Variants in DHRS7 observed in about 807,000 individuals in gnomAD.
DHRS7 encodes dehydrogenase/reductase 7, also known as dehydrogenase/reductase SDR family member 7.
A neutral mutation model predicts 38.9 loss-of-function variants in DHRS7; 34 were observed. The ratio of observed to expected loss-of-function variants is 0.87; its 90% CI spans 0.66 to 1.16. The LOEUF is 1.16. Ranked by LOEUF, DHRS7 falls within the 50% of genes most tolerant of loss-of-function variation. DHRS7 has a pLI of 0.00. For missense variants in DHRS7, 421 were observed against 407.0 expected, an observed-to-expected ratio of 1.03 and a Z score of -0.30; for synonymous variants, 158 against 153.1, an observed-to-expected ratio of 1.03 and a Z score of -0.24.
upstream of DHRS7, chr14:60,168,647 GA>G (rs1280428703): frequency 6.6e-7 from 1 of 1,515,534 alleles, no homozygotes; most frequent in African/African-American, 1.4e-5. Context: ...TTCTAAAACT[GA>G]TCAATGCTTT....
upstream of DHRS7, chr14:60,165,630 T>G: frequency 1.8e-6 from 2 of 1,115,220 alleles, no homozygotes; most frequent in Non-Finnish European, 2.2e-6. This position sits in a 1 kb window ranked among gnomAD's most constrained non-coding sequence, Gnocchi z 4.6. Flanking sequence ...TAAATAAAAT[T>G]CCAGTATTTT....
intron 5 of DHRS7, 124 bp downstream of exon 5, chr14:60,149,941 G>T: frequency 2.1e-6 from 2 of 954,208 alleles, no homozygotes; most frequent in Non-Finnish European, 1.5e-6. Flanking sequence ...CAGGAGTTTT[G>T]TGAATAATTC....
chr14:60,168,645 C>T (rs1343918886), upstream of DHRS7: 5 of 1,508,568 alleles, frequency 3.3e-6, no homozygotes, highest in Middle Eastern at 5.2e-4. Flanking sequence ...AATTCTAAAA[C>T]TGATCAATGC....
In DHRS7 at chr14:60,165,039, G is replaced by A; in HGVS notation, c.133+138C>T. On this transcript the variant is annotated intron_variant, in intron 1 of 6. Coordinates refer to ENST00000557185, the MANE Select transcript of DHRS7 (RefSeq NM_016029.4). This position sits in a 1 kb window ranked among gnomAD's most constrained non-coding sequence, Gnocchi z 4.6. Reference sequence around the variant, plus strand: ...TCCCCAACCCGCAGCCCCTGCGTAAGGGGCAGCCGGGCCTTCGGGAAGCTC... The same window carrying A: ...TCCCCAACCCGCAGCCCCTGCGTAAAGGGCAGCCGGGCCTTCGGGAAGCTC... The A allele has an allele frequency of 8.9e-7, 1 of 1,123,068 alleles. No individual in the cohort carries two copies. Among genetic ancestry groups the A allele is most frequent in the East Asian group, 2.6e-5 (1 of 38,550 alleles). The allele number at this position is 1,123,068 out of a possible 1,614,324, so 69.6% of individuals were successfully genotyped here.
At chr14:60,159,334 T>G (rs531890708) in intron 1 of DHRS7, 1 of 404,276 alleles carries the variant, frequency 2.5e-6, no homozygotes, top group Non-Finnish European at 4.6e-6. Context: ...AAATACAGAA[T>G]TGAAGCCCTT....
chr14:60,163,868 AGGCAGCCAAT>A (rs1299270044), intron 1 of DHRS7, among the ~76,000 whole-genome samples: 1 of 152,228 alleles, frequency 6.6e-6, no homozygotes, highest in Admixed American at 6.5e-5. Flanking sequence ...AACGTCTGCA[AGGCAGCCAAT>A]GGCAGCCAAT....
rs1896781623 is a variant in DHRS7 at position 60,162,426 on chromosome 14, A to C, written c.133+2751T>G. Among the ~76,000 whole-genome samples the C allele has an allele frequency of 6.6e-6, 1 of 152,122 alleles. No homozygotes were observed. Among genetic ancestry groups the C allele is most frequent in the Non-Finnish European group, 1.5e-5 (1 of 68,016 alleles). On this transcript the variant is annotated intron_variant, in intron 1 of 6. Transcript: ENST00000557185. This position sits in a 1 kb window ranked among gnomAD's most constrained non-coding sequence, Gnocchi z 4.5. Reference sequence around the variant, plus strand: ...GTGAGATATATGCTTGGAAATGCACAGAATTTCTCTAGACGGATACAGAGG... The same window carrying C: ...GTGAGATATATGCTTGGAAATGCACCGAATTTCTCTAGACGGATACAGAGG...
rs1234872245 is a variant in DHRS7 at position 60,152,913 on chromosome 14, TCA to T, written c.633+24_633+25del. 7 of 1,613,352 alleles carry T rather than the reference TCA, an allele frequency of 4.3e-6. No individual in the cohort carries two copies. The African/African-American group carries it at 9.3e-5, about 22-fold the overall frequency. ...CATATACACATTTAAGTCAGTTCTA[TCA>T]GAGTTGAGTTTGAGCAGCCTTACCC... On this transcript the variant is annotated intron_variant, in intron 4 of 6. Coordinates refer to ENST00000557185, the MANE Select transcript of DHRS7 (RefSeq NM_016029.4).
At chr14:60,160,838 A>G (rs1305751910) in intron 1 of DHRS7, among the ~76,000 whole-genome samples, 1 of 152,020 alleles carries the variant, frequency 6.6e-6, no homozygotes, top group African/African-American at 2.4e-5. Flanking sequence ...CGATTTGCCC[A>G]CCTCAGCCTC....
chr14:60,156,233 A>T, intron 1 of DHRS7, 81 bp from the exon 2 acceptor site: 1 of 1,304,600 alleles, frequency 7.7e-7, no homozygotes. Flanking sequence ...AAAAAAAGAA[A>T]GCCTTAAACA....
rs1896759610 is a variant in DHRS7 at position 60,161,239 on chromosome 14, A to C, written c.133+3938T>G. 6.6e-6 allele frequency among the ~76,000 whole-genome samples: 1 copy of C among 152,220 alleles called. No individual in the cohort carries two copies. The highest frequency in any genetic ancestry group is 2.4e-5 in the African/African-American group (1 of 41,464). ...AATAGGAAAAGGGATCCACTAATAT[A>C]GCTTATGGTTATTAGAGCTGGGCTA... is the stretch of plus-strand genomic sequence containing the variant. On this transcript the variant is annotated intron_variant, in intron 1 of 6. Transcript: ENST00000557185. This position sits in a 1 kb window ranked among gnomAD's most constrained non-coding sequence, Gnocchi z 4.2.
chr14:60,166,990 G>A (rs1027141280), upstream of DHRS7, among the ~76,000 whole-genome samples: 5 of 152,118 alleles, frequency 3.3e-5, no homozygotes, highest in African/African-American at 1.2e-4. Context: ...GGAGGGTTGG[G>A]GGGGACGTGG....
At chr14:60,158,232 GAAAAAAAAAA>G (rs34207942) in intron 1 of DHRS7, among the ~76,000 whole-genome samples, 4,077 of 83,204 alleles carry the variant, frequency 0.049, 223 homozygotes, top group African/African-American at 0.17. Context: ...GACTCTGTCG[GAAAAAAAAAA>G]AAAAAAAAAA....
At chr14:60,155,304 C>T (rs1896634991) in intron 2 of DHRS7, among the ~76,000 whole-genome samples, 1 of 151,998 alleles carries the variant, frequency 6.6e-6, no homozygotes, top group African/African-American at 2.4e-5. Flanking sequence ...CAAAAATTAG[C>T]TGGGTGTGGT....
intron 5 of DHRS7, 90 bp from the exon 6 acceptor site, chr14:60,149,658 G>A: frequency 2.0e-6 from 2 of 979,752 alleles, no homozygotes; most frequent in Non-Finnish European, 1.5e-6. Context: ...TAGTTGAGTG[G>A]TTCCTTTAGT....
upstream of DHRS7, among the ~76,000 whole-genome samples, chr14:60,166,833 T>G (rs987335980): frequency 5.9e-5 from 9 of 152,354 alleles, no homozygotes; most frequent in African/African-American, 1.9e-4. Flanking sequence ...GCAAATCTGA[T>G]GCTTCTTTTG....
At chr14:60,160,309 C>CT (rs1896738602) in intron 1 of DHRS7, among the ~76,000 whole-genome samples, 1 of 144,350 alleles carries the variant, frequency 6.9e-6, no homozygotes, top group Non-Finnish European at 1.5e-5. Context: ...AAGTGAGACT[C>CT]TATCTCAAAA....
chr14:60,165,199 G>C lies in DHRS7; in HGVS notation c.111C>G (p.Ala37=), dbSNP rs761287039. The C allele has an allele frequency of 1.2e-6, 2 of 1,612,932 alleles. No homozygotes were observed. The highest frequency in any genetic ancestry group is 4.5e-5 in the East Asian group (2 of 44,870). ...RADGDLTLLW[A]EWQGRRPEWE... ...CACCTGGGCGTCGTCCCTGCCACTCGGCCCATAGTAGCGTCAGGTCGCCGT... is the reference window on the plus strand; with the variant it reads ...CACCTGGGCGTCGTCCCTGCCACTCCGCCCATAGTAGCGTCAGGTCGCCGT... The change falls in exon 1 of 7, where the codon GCC becomes GCG. Residue 37 remains alanine (A), a synonymous_variant. Coordinates refer to ENST00000557185, the MANE Select transcript of DHRS7 (RefSeq NM_016029.4). The surrounding 1 kb of genome is among the most constrained non-coding windows in gnomAD (Gnocchi z 4.6).
In DHRS7 at chr14:60,153,178, T is replaced by C. The variant is rs777974050; in HGVS notation, c.394A>G (p.Ile132Val). 2 of 1,614,092 alleles carry C rather than the reference T, an allele frequency of 1.2e-6. No individual in the cohort carries two copies. The highest frequency in any genetic ancestry group is 1.3e-5 in the African/African-American group (1 of 75,050). ...TKAVLQEFGR[I>V]DILVNNGGMS... ...CCACCATTGTTGACCAGAATGTCGA[T>C]CTAGTTAAATAAAATCAGAAAAGGG... Residue 132 changes from isoleucine to valine, a missense_variant and splice_region_variant, in exon 4 of 7, where the codon ATC (isoleucine) becomes GTC (valine). Ile to Val is a conservative substitution (Grantham distance 29, BLOSUM62 3). Transcript: ENST00000557185. The surrounding 1 kb of genome is among the most constrained non-coding windows in gnomAD (Gnocchi z 4.4).
Sources: allele counts gnomAD v4.1 joint callset (sites outside exome capture counted in the v4.1 genomes callset), GRCh38; gene constraint gnomAD v4.1.1; non-coding constraint Gnocchi (gnomAD v3.1); transcripts MANE v1.5; gene names NCBI Gene and HGNC (gene_info 2026-07-23, HGNC 2026-07-21).